Variants in TDRD12 observed in about 807,000 individuals in gnomAD.
TDRD12 encodes tudor domain containing 12, also known as putative ATP-dependent RNA helicase TDRD12.
A neutral mutation model predicts 133.5 loss-of-function variants in TDRD12; 158 were observed. That is an observed-to-expected ratio of 1.18 (90% CI 1.04 to 1.35). The LOEUF is 1.35. Ranked by LOEUF, TDRD12 falls within the 40% of genes most tolerant of loss-of-function variation. TDRD12 has a pLI of 0.00. For missense variants in TDRD12, 1,443 were observed against 1,321.3 expected (o/e 1.09, Z -1.43); for synonymous variants, 460 against 477.9 (o/e 0.96, Z 0.49).
chr19:32,810,056 G>A, intron 22 of TDRD12, 37 bp from the exon 23 acceptor site: 2 of 1,363,804 alleles, frequency 1.5e-6, no homozygotes, highest in African/African-American at 2.9e-5. Context: ...TTTAGACTAA[G>A]TTTGTTTCTT....
At chr19:32,763,614 C>T (rs531800115) in intron 8 of TDRD12, among the ~76,000 whole-genome samples, 1,639 of 152,266 alleles carry the variant, frequency 0.011, 34 homozygotes, top group African/African-American at 0.037. Context: ...GTTACTTTTC[C>T]CCTCTTCCTG....
intron 4 of TDRD12, among the ~76,000 whole-genome samples, chr19:32,748,094 G>A (rs1168931120): frequency 2.6e-5 from 4 of 152,128 alleles, no homozygotes; most frequent in African/African-American, 7.2e-5. Flanking sequence ...AGCATGTGTC[G>A]CGCCCTCTCT....
intron 2 of TDRD12, among the ~76,000 whole-genome samples, chr19:32,738,472 A>G (rs1487711587): frequency 1.4e-4 from 21 of 152,114 alleles, no homozygotes; most frequent in Admixed American, 1.1e-3. Flanking sequence ...TTTTGAGAGT[A>G]CCTTTTACCT....
In TDRD12 at chr19:32,720,105, C is replaced by G; in HGVS notation, c.24+9C>G. ...AGCTCCTGGTGCTGAAGGTGAGCGCCGCCAAGCCAGACCCACGCCAGACCC... is the reference window on the plus strand; with the variant it reads ...AGCTCCTGGTGCTGAAGGTGAGCGCGGCCAAGCCAGACCCACGCCAGACCC... On this transcript the variant is annotated intron_variant, in intron 1 of 27. Transcript: ENST00000444215. 1 of 1,547,538 alleles carries G rather than the reference C, an allele frequency of 6.5e-7. No individual in the cohort carries two copies.
chr19:32,751,582 C>T (rs572447237), intron 6 of TDRD12, among the ~76,000 whole-genome samples: 5 of 151,384 alleles, frequency 3.3e-5, no homozygotes, highest in African/African-American at 1.2e-4. Context: ...CCTTCCTTCC[C>T]CTCCCTCCCT....
intron 1 of TDRD12, among the ~76,000 whole-genome samples, chr19:32,723,347 T>G (rs1968751401): frequency 6.6e-6 from 1 of 151,352 alleles, no homozygotes; most frequent in African/African-American, 2.4e-5. Flanking sequence ...GCCTCCCGGG[T>G]TCATGCCATT....
intron 11 of TDRD12, among the ~76,000 whole-genome samples, chr19:32,785,103 C>T (rs1338490232): frequency 6.6e-6 from 1 of 152,142 alleles, no homozygotes; most frequent in African/African-American, 2.4e-5. Context: ...ATCTCTCCTG[C>T]TTTCCCTTGT....
intron 11 of TDRD12, among the ~76,000 whole-genome samples, chr19:32,788,710 T>C (rs149043067): frequency 6.6e-6 from 1 of 152,282 alleles, no homozygotes; most frequent in East Asian, 1.9e-4. Flanking sequence ...CAGTCCTTGA[T>C]TGTCTGCCTG....
chr19:32,796,288 T>C (rs1430816691), intron 14 of TDRD12: 7 of 712,458 alleles, frequency 9.8e-6, no homozygotes, highest in Middle Eastern at 7.0e-4. Context: ...ATGATTTCCC[T>C]TTAGAAAGTT....
Position 32,821,148 on chromosome 19 carries a change from TTG to T in TDRD12, c.3500_3501del (p.Leu1167CysfsTer26), listed in dbSNP as rs1967373223. On this transcript the variant is annotated frameshift_variant, in exon 28 of 28. Transcript: ENST00000444215. LOFTEE classifies it high-confidence loss of function. Reference sequence around the variant, plus strand: ...AGAAAACCAGAAGCCTGGTGGGTACTTGGTATTCAAAAGATGGTTAAGTTCAA... The same window carrying T: ...AGAAAACCAGAAGCCTGGTGGGTACTGTATTCAAAAGATGGTTAAGTTCAA... 2.6e-6 allele frequency: 4 copies of T among 1,532,182 alleles called. No homozygotes were observed. Among genetic ancestry groups the T allele is most frequent in the Non-Finnish European group, 3.5e-6 (4 of 1,144,318 alleles). The allele number at this position is 1,532,182 out of a possible 1,614,324, so 94.9% of individuals were successfully genotyped here.
chr19:32,811,228 G>T, exon 24 of TDRD12: 1 of 1,536,048 alleles, frequency 6.5e-7, no homozygotes, highest in Non-Finnish European at 8.7e-7. Context: ...TGTTGGAAGT[G>T]AACCAAAAAG....
At chr19:32,784,362 C>G (rs1970848514) in intron 11 of TDRD12, among the ~76,000 whole-genome samples, 1 of 152,088 alleles carries the variant, frequency 6.6e-6, no homozygotes, top group Admixed American at 6.6e-5. Context: ...GGTGGATAAG[C>G]TTTTTGATGT....
At chr19:32,797,044 C>A (rs996743751) in intron 14 of TDRD12, among the ~76,000 whole-genome samples, 2 of 150,916 alleles carry the variant, frequency 1.3e-5, no homozygotes, top group African/African-American at 4.9e-5. Context: ...GCAGTGGCTC[C>A]ATCTCGGCTC....
At chr19:32,723,039 C>T (rs1968738108) in intron 1 of TDRD12, among the ~76,000 whole-genome samples, 1 of 151,884 alleles carries the variant, frequency 6.6e-6, no homozygotes, top group African/African-American at 2.4e-5. Flanking sequence ...ATATATGATC[C>T]GAGTTAATTT....
rs1324237859 is a variant in TDRD12, at chr19:32,811,408, A to G, written c.3036A>G (p.Glu1012=). The change falls in exon 24 of 28, where the codon GAA becomes GAG. Residue 1012 remains glutamate (E), a synonymous_variant. Transcript: ENST00000444215. Reference sequence around the variant, plus strand: ...TGAAACCTGCTGACAACGAAATAGAATGGAATCCGAAGGTGGGTGATTTTG... The same window carrying G: ...TGAAACCTGCTGACAACGAAATAGAGTGGAATCCGAAGGTGGGTGATTTTG... 8 of 1,535,954 alleles carry G rather than the reference A, an allele frequency of 5.2e-6. No individual in the cohort carries two copies. The East Asian group carries it at 1.5e-4, about 28-fold the overall frequency.
intron 10 of TDRD12, 48 bp from the exon 11 acceptor site, chr19:32,777,101 C>G: frequency 8.0e-7 from 1 of 1,250,878 alleles, no homozygotes; most frequent in Non-Finnish European, 1.1e-6. Context: ...CTGTGTTGCC[C>G]AGGCTGCTGT....
At chr19:32,748,943 G>A (rs1242824382) in intron 5 of TDRD12, among the ~76,000 whole-genome samples, 1 of 152,234 alleles carries the variant, frequency 6.6e-6, no homozygotes, top group African/African-American at 2.4e-5. Flanking sequence ...TCTAATTTAA[G>A]ATGCATAAAA....
At chr19:32,822,385 T>C (rs1463265053), downstream of TDRD12, among the ~76,000 whole-genome samples, 1 of 152,146 alleles carries the variant, frequency 6.6e-6, no homozygotes, top group African/African-American at 2.4e-5. Context: ...TGAGCCAAGA[T>C]TGTACCACTG....
At chr19:32,778,978 T>C (rs1267281899) in intron 11 of TDRD12, among the ~76,000 whole-genome samples, 2 of 147,894 alleles carry the variant, frequency 1.4e-5, no homozygotes, top group African/African-American at 4.9e-5. Flanking sequence ...CAAAGAAGGC[T>C]TTGAGTTCCT....
Sources: gnomAD v4.1 joint callset for allele counts (sites outside exome capture counted in the v4.1 genomes callset) on GRCh38, gnomAD v4.1.1 for gene constraint, MANE v1.5 for transcripts, NCBI Gene and HGNC (gene_info 2026-07-23, HGNC 2026-07-21) for gene names.